The following ZSCAN5A variants were observed in gnomAD, a reference collection of about 807,000 sequenced individuals.
ZSCAN5A encodes the protein zinc finger and SCAN domain containing 5A.
ZSCAN5A carries 12 observed loss-of-function variants against 23.7 expected under a neutral mutation model. The ratio of observed to expected loss-of-function variants is 0.51; its 90% CI spans 0.32 to 0.82. ZSCAN5A has a LOEUF of 0.82. Among genes scored for constraint, ZSCAN5A ranks in the 40% least tolerant of loss-of-function variants. The pLI, the probability that ZSCAN5A is intolerant of heterozygous loss-of-function variation, is 0.03. For synonymous variants in ZSCAN5A, 257 were observed against 239.9 expected, an observed-to-expected ratio of 1.07 and a Z score of -0.66; for missense variants, 597 against 617.9, an observed-to-expected ratio of 0.97 and a Z score of 0.36.
chr19:56,231,546 G>A (rs114348658), intron 2 of ZSCAN5A, among the ~76,000 whole-genome samples: 1,801 of 152,162 alleles, frequency 0.012, 31 homozygotes, highest in African/African-American at 0.041. Flanking sequence ...CCCACCTCAC[G>A]TAAAGGTGGC....
chr19:56,267,937 G>A (rs1311251946), intron 2 of ZSCAN5A, among the ~76,000 whole-genome samples: 1 of 152,146 alleles, frequency 6.6e-6, no homozygotes, highest in Non-Finnish European at 1.5e-5. Context: ...TTGTCCTAGT[G>A]CACACAGCCA....
chr19:56,319,498 GAAAAAAAAAAA>G (rs57164685), upstream of ZSCAN5A, among the ~76,000 whole-genome samples: 1 of 78,406 alleles, frequency 1.3e-5, no homozygotes, highest in Non-Finnish European at 2.4e-5. Flanking sequence ...TCCATCTCGG[GAAAAAAAAAAA>G]AAAAAAAAAA....
intron 2 of ZSCAN5A, among the ~76,000 whole-genome samples, chr19:56,308,603 C>G (rs1045904910): frequency 6.6e-6 from 1 of 152,242 alleles, no homozygotes; most frequent in Non-Finnish European, 1.5e-5. Flanking sequence ...GGATTACAGG[C>G]ATGAGCCACC....
chr19:56,295,650 C>T (rs1469146496), intron 2 of ZSCAN5A, among the ~76,000 whole-genome samples: 4 of 152,052 alleles, frequency 2.6e-5, no homozygotes, highest in Non-Finnish European at 5.9e-5. Flanking sequence ...AATGGCGTGG[C>T]GGCTTCCTTC....
At chr19:56,248,049 C>G (rs548465272) in intron 2 of ZSCAN5A, among the ~76,000 whole-genome samples, 275 of 152,266 alleles carry the variant, frequency 1.8e-3, no homozygotes, top group Admixed American at 3.5e-3. Context: ...AAAAACGGAG[C>G]CTTCTGATTG....
chr19:56,364,090 C>T (rs1245110061), intron 1 of ZSCAN5A, among the ~76,000 whole-genome samples: 1 of 152,220 alleles, frequency 6.6e-6, no homozygotes, highest in African/African-American at 2.4e-5. Flanking sequence ...CCTCCCATCA[C>T]AGGCAATCCA....
intron 2 of ZSCAN5A, among the ~76,000 whole-genome samples, chr19:56,287,227 C>T (rs2039193217): frequency 6.6e-6 from 1 of 152,230 alleles, no homozygotes; most frequent in Admixed American, 6.5e-5. Context: ...CCTTGCCCAT[C>T]GACCTGGAAG....
chr19:56,355,089 A>AACTCAGCCCTGGAT (rs1555814360), intron 2 of ZSCAN5A, among the ~76,000 whole-genome samples: 1 of 149,716 alleles, frequency 6.7e-6, no homozygotes, highest in African/African-American at 2.5e-5. Flanking sequence ...TTGAAACCCA[A>AACTCAGCCCTGGAT]CGTGGTTTTT....
At chr19:56,304,987 C>T (rs1045197198) in intron 2 of ZSCAN5A, among the ~76,000 whole-genome samples, 2 of 152,150 alleles carry the variant, frequency 1.3e-5, no homozygotes, top group African/African-American at 4.8e-5. Flanking sequence ...AAGTTCGTCA[C>T]CCTTACTTGC....
At chr19:56,260,124 T>C (rs1034328534) in intron 2 of ZSCAN5A, among the ~76,000 whole-genome samples, 2 of 152,132 alleles carry the variant, frequency 1.3e-5, no homozygotes, top group Admixed American at 6.5e-5. Context: ...AAAACTTTTC[T>C]AAGCTCTGTA....
intron 2 of ZSCAN5A, among the ~76,000 whole-genome samples, chr19:56,286,977 C>T (rs867949676): frequency 6.6e-6 from 1 of 152,258 alleles, no homozygotes; most frequent in African/African-American, 2.4e-5. Flanking sequence ...ACAGCACGCA[C>T]TGCACAGTGT....
At chr19:56,293,569 G>T (rs78928704) in intron 2 of ZSCAN5A, among the ~76,000 whole-genome samples, 1 of 152,208 alleles carries the variant, frequency 6.6e-6, no homozygotes, top group Non-Finnish European at 1.5e-5. Flanking sequence ...CTAGTTCCGT[G>T]GGCTTCGGAC....
intron 2 of ZSCAN5A, among the ~76,000 whole-genome samples, chr19:56,270,839 G>A (rs1011818319): frequency 7.9e-5 from 12 of 152,088 alleles, no homozygotes; most frequent in Middle Eastern, 3.2e-3. Flanking sequence ...CCCACAAAGC[G>A]GAAGACAGCC....
At chr19:56,357,237 A>G (rs2041705287) in intron 2 of ZSCAN5A, among the ~76,000 whole-genome samples, 1 of 148,270 alleles carries the variant, frequency 6.7e-6, no homozygotes, top group African/African-American at 2.6e-5. Context: ...AAGTTTGGAG[A>G]GTGAGGAATA....
intron 2 of ZSCAN5A, among the ~76,000 whole-genome samples, chr19:56,271,435 CAT>C (rs1448141678): frequency 6.6e-6 from 1 of 152,232 alleles, no homozygotes; most frequent in Admixed American, 6.5e-5. Context: ...AAGCCTTCCA[CAT>C]GTTTTACGCC....
chr19:56,225,355 G>T lies in ZSCAN5A; in HGVS notation c.-127-182C>A, dbSNP rs61076758. The T allele has an allele frequency of 4.7e-4, 153 of 324,266 alleles. 1 individual carries two copies. The East Asian group carries it at 9.2e-3, about 19-fold the overall frequency. 20.1% of individuals were successfully genotyped at this position (324,266 alleles called of 1,614,324 possible). The stretch of plus-strand genomic sequence containing the variant: ...AAAATCTTAATGACCCCTGGATTCT[G>T]ATCTCTAGGAAATCACTGTGCAGAG... On this transcript the variant is annotated intron_variant, in intron 2 of 5. Coordinates refer to ENST00000683990, the MANE Select transcript of ZSCAN5A (RefSeq NM_001322064.3).
intron 4 of ZSCAN5A, among the ~76,000 whole-genome samples, 175 bp downstream of exon 4, chr19:56,223,456 T>C (rs2033517327): frequency 1.3e-5 from 2 of 152,242 alleles, no homozygotes; most frequent in Admixed American, 1.3e-4. Context: ...GAAAAGTAGA[T>C]GAGGCTTCCC....
intron 2 of ZSCAN5A, among the ~76,000 whole-genome samples, chr19:56,285,665 G>C (rs2147104526): frequency 6.6e-6 from 1 of 152,074 alleles, no homozygotes. Flanking sequence ...ATTTTTAGTA[G>C]AGACAGAATT....
chr19:56,226,446 T>C (rs559144176), intron 2 of ZSCAN5A, among the ~76,000 whole-genome samples: 12 of 152,186 alleles, frequency 7.9e-5, no homozygotes, highest in Non-Finnish European at 1.6e-4. Context: ...GACATGTGAA[T>C]GGCCAGCAGG....
Sources: gnomAD v4.1 joint callset for allele counts (sites outside exome capture counted in the v4.1 genomes callset) on GRCh38, gnomAD v4.1.1 for gene constraint, MANE v1.5 for transcripts, NCBI Gene and HGNC (gene_info 2026-07-23, HGNC 2026-07-21) for gene names.